ITIH5: variants seen among roughly 807,000 people sequenced by gnomAD.
ITIH5 encodes inter-alpha-trypsin inhibitor heavy chain 5.
In ITIH5, 65 loss-of-function variants were observed where a neutral mutation model predicts 77.5. The observed-to-expected ratio is 0.84, with a 90% CI of 0.69 to 1.03. The LOEUF (loss-of-function observed/expected upper bound fraction) is 1.03. Among genes scored for constraint, ITIH5 ranks in the 50% least tolerant of loss-of-function variants. The pLI is 0.00. For synonymous variants in ITIH5, 525 were observed against 494.3 expected, an observed-to-expected ratio of 1.06 and a Z score of -0.82; for missense variants, 1,208 against 1,213.1, an observed-to-expected ratio of 1.00 and a Z score of 0.06.
chr10:7,641,801 T>C, intron 3 of ITIH5, 126 bp downstream of exon 3: 2 of 639,538 alleles, frequency 3.1e-6, no homozygotes, highest in Admixed American at 2.7e-5. Flanking sequence ...AGAATTGACC[T>C]TCTGATCTAT....
chr10:7,664,219 A>T (rs979026598), intron 1 of ITIH5, among the ~76,000 whole-genome samples: 1 of 151,916 alleles, frequency 6.6e-6, no homozygotes, highest in Admixed American at 6.6e-5. Flanking sequence ...GGCCAACGTG[A>T]TGTATTTTTG....
chr10:7,592,230 C>G (rs1404667376), intron 7 of ITIH5, among the ~76,000 whole-genome samples: 2 of 152,140 alleles, frequency 1.3e-5, no homozygotes, highest in African/African-American at 2.4e-5. Flanking sequence ...CAGTGCCTGG[C>G]ACATAGGAGA....
Position 7,559,857 on chromosome 10 carries a change from GTTTTGTT to G in ITIH5, c.*3219_*3225del. ...CTCTCCCATGTCTTTTTTTTGTTTT[GTTTTGTT>G]TTTTTTTGACGGAGTTTGGCTCTGT... On this transcript the variant is annotated 3_prime_UTR_variant, in exon 14 of 14. Transcript: ENST00000397146. The G allele has an allele frequency of 2.2e-6, 1 of 452,714 alleles. No individual in the cohort carries two copies. The highest frequency in any genetic ancestry group is 2.1e-5 in the African/African-American group (1 of 48,614). The allele number at this position is 452,714 out of a possible 1,614,324, so 28.0% of individuals were successfully genotyped here. A position where few individuals can be genotyped will look rare whatever the true frequency, so the allele number is the denominator to read the frequency against.
intron 7 of ITIH5, among the ~76,000 whole-genome samples, chr10:7,601,648 G>A (rs1833018314): frequency 6.6e-6 from 1 of 152,126 alleles, no homozygotes; most frequent in South Asian, 2.1e-4. Flanking sequence ...GGTGGCCCCA[G>A]GAATGCATGT....
chr10:7,595,469 T>C (rs1179428545), intron 7 of ITIH5, among the ~76,000 whole-genome samples: 4 of 152,184 alleles, frequency 2.6e-5, no homozygotes, highest in Admixed American at 2.0e-4. Context: ...AATACTATTT[T>C]ATGGTGATGA....
intron 1 of ITIH5, among the ~76,000 whole-genome samples, chr10:7,663,360 C>T (rs1014635920): frequency 2.0e-5 from 3 of 152,208 alleles, no homozygotes; most frequent in Non-Finnish European, 2.9e-5. Context: ...TATGCAAATG[C>T]TTTGCCTGAA....
At chr10:7,644,476 T>C (rs1833945017) in intron 2 of ITIH5, among the ~76,000 whole-genome samples, 1 of 115,020 alleles carries the variant, frequency 8.7e-6, no homozygotes, top group South Asian at 2.8e-4. Context: ...ATAGATCATA[T>C]ATAATCACAT....
At chr10:7,644,069 C>T (rs765247070) in intron 2 of ITIH5, among the ~76,000 whole-genome samples, 6 of 151,928 alleles carry the variant, frequency 3.9e-5, no homozygotes, top group Admixed American at 2.6e-4. Context: ...GGTGAAACCC[C>T]GTCTTTACTA....
chr10:7,664,777 A>C (rs1451268827), intron 1 of ITIH5, among the ~76,000 whole-genome samples: 1 of 152,274 alleles, frequency 6.6e-6, no homozygotes, highest in African/African-American at 2.4e-5. Flanking sequence ...TTTTCAAATT[A>C]AGTTTACATA....
intron 7 of ITIH5, among the ~76,000 whole-genome samples, chr10:7,613,525 T>TA (rs746667317): frequency 2.4e-4 from 36 of 152,032 alleles, no homozygotes; most frequent in Non-Finnish European, 4.3e-4. Context: ...TTAAAAACTG[T>TA]AAAAAACGGA....
intron 1 of ITIH5, among the ~76,000 whole-genome samples, chr10:7,656,238 A>G (rs531408215): frequency 6.6e-6 from 1 of 152,196 alleles, no homozygotes; most frequent in Non-Finnish European, 1.5e-5. Context: ...TTTTTTAGAC[A>G]TGGCCTCGCT....
chr10:7,627,903 G>A (rs111771722), intron 5 of ITIH5, among the ~76,000 whole-genome samples: 27,672 of 132,306 alleles, frequency 0.21, 3,076 homozygotes, highest in Non-Finnish European at 0.25. Flanking sequence ...GTGCAGTGGT[G>A]CAATCTCAGC....
chr10:7,576,336 T>C, intron 10 of ITIH5, 117 bp downstream of exon 10: 5 of 945,856 alleles, frequency 5.3e-6, no homozygotes, highest in Non-Finnish European at 7.7e-6. Context: ...GGTTATTGTT[T>C]ATAAGTATTA....
intron 7 of ITIH5, among the ~76,000 whole-genome samples, chr10:7,610,202 C>G (rs181165277): frequency 6.6e-6 from 1 of 151,440 alleles, no homozygotes; most frequent in Non-Finnish European, 1.5e-5. Context: ...CAAAAGCACA[C>G]GGGAGGGAAA....
Position 7,652,029 on chromosome 10 carries a change from C to T in ITIH5, c.135+3602G>A, listed in dbSNP as rs114020590. ...GCTGCAAAGCAGACACCAAGACAGA[C>T]CCTGCAGTCAGGAGGTTAAATGATG... On this transcript the variant is annotated intron_variant, in intron 2 of 13. Coordinates refer to ENST00000397146, the MANE Select transcript of ITIH5 (RefSeq NM_030569.7). Among the ~76,000 whole-genome samples the T allele has an allele frequency of 5.0e-3, 754 of 152,302 alleles. 7 individuals are homozygous for T. Among genetic ancestry groups the T allele is most frequent in the African/African-American group, 0.017 (718 of 41,564 alleles).
intron 13 of ITIH5, among the ~76,000 whole-genome samples, chr10:7,565,535 C>T (rs934139160): frequency 4.0e-5 from 6 of 149,232 alleles, no homozygotes; most frequent in African/African-American, 1.5e-4. Flanking sequence ...TATATACATA[C>T]TTATCAGTCT....
intron 2 of ITIH5, among the ~76,000 whole-genome samples, chr10:7,653,764 C>A (rs1466585446): frequency 1.3e-5 from 2 of 152,164 alleles, no homozygotes; most frequent in Admixed American, 1.3e-4. Context: ...GACTCAAATC[C>A]TGGCTCTACC....
At chr10:7,615,866 G>A in intron 7 of ITIH5, 116 bp downstream of exon 7, 1 of 698,954 alleles carries the variant, frequency 1.4e-6, no homozygotes. Flanking sequence ...TCCATAGGCA[G>A]GAATCGCTGG....
intron 4 of ITIH5, among the ~76,000 whole-genome samples, chr10:7,640,163 A>AAAAAC (rs1833860684): frequency 6.6e-6 from 1 of 150,410 alleles, no homozygotes; most frequent in African/African-American, 2.4e-5. Context: ...AAAAAAAAAA[A>AAAAAC]AAAAAAAACT....
Sources: gnomAD v4.1 joint callset for allele counts (sites outside exome capture counted in the v4.1 genomes callset) on GRCh38, gnomAD v4.1.1 for gene constraint, MANE v1.5 for transcripts, NCBI Gene and HGNC (gene_info 2026-07-23, HGNC 2026-07-21) for gene names.